CFAP46: variants seen among roughly 807,000 people sequenced by gnomAD.
The protein encoded by CFAP46 is cilia and flagella associated protein 46.
CFAP46 carries 245 observed loss-of-function variants against 325.7 expected under a neutral mutation model. The ratio of observed to expected loss-of-function variants is 0.75; its 90% CI spans 0.68 to 0.84. The LOEUF (loss-of-function observed/expected upper bound fraction) is 0.84, where lower values mean the gene tolerates loss of function less well. CFAP46 is among the 40% of genes least tolerant of loss of function. CFAP46 has a pLI of 0.00. For missense variants in CFAP46, 3,346 were observed against 3,543.0 expected (o/e 0.94, Z 1.41); for synonymous variants, 1,523 against 1,495.9 (o/e 1.02, Z -0.42).
At chr10:132,823,860 T>C (rs533936157) in intron 50 of CFAP46, among the ~76,000 whole-genome samples, 70 of 148,324 alleles carry the variant, frequency 4.7e-4, no homozygotes, top group South Asian at 2.4e-3. Flanking sequence ...TGCTGATGTG[T>C]GCTGTCTGTG....
rs781227785 is a variant in CFAP46 at position 132,846,236 on chromosome 10, G to T, written c.6268-9C>A. ...TCTGAGGCCGAGCAGCTCTGAAAGGGAGCAGGGGAGGTGTACCAGGGGCCC... is the reference window on the plus strand; with the variant it reads ...TCTGAGGCCGAGCAGCTCTGAAAGGTAGCAGGGGAGGTGTACCAGGGGCCC... On this transcript the variant is annotated splice_polypyrimidine_tract_variant and intron_variant, in intron 43 of 57. Transcript: ENST00000368586. 4.3e-6 allele frequency: 7 copies of T among 1,610,404 alleles called. 1 individual carries two copies. The South Asian group carries it at 7.7e-5, about 18-fold the overall frequency.
chr10:132,868,309 C>A (rs1848847870), intron 33 of CFAP46, among the ~76,000 whole-genome samples: 1 of 152,216 alleles, frequency 6.6e-6, no homozygotes, highest in South Asian at 2.1e-4. Context: ...GAACCAGGAC[C>A]CTATGGCCTC....
At chr10:132,834,629 C>G in intron 48 of CFAP46, 25 bp downstream of exon 48, 1 of 1,610,882 alleles carries the variant, frequency 6.2e-7, no homozygotes, top group Non-Finnish European at 8.5e-7. Context: ...TGGTGGGGTG[C>G]CAGCCTCAAC....
intron 47 of CFAP46, 65 bp downstream of exon 47, chr10:132,835,239 C>A: frequency 6.3e-7 from 1 of 1,588,378 alleles, no homozygotes; most frequent in South Asian, 1.1e-5. Flanking sequence ...TCGCCAGGGT[C>A]CTGGCTCCCA....
At chr10:132,920,332 G>C in intron 13 of CFAP46, 150 bp from the exon 14 acceptor site, 1 of 1,031,378 alleles carries the variant, frequency 9.7e-7, no homozygotes, top group Non-Finnish European at 1.4e-6. Context: ...CCCAGAAGCC[G>C]AGCTCCTCAC....
chr10:132,834,791 A>G lies in CFAP46; in HGVS notation c.6745-16T>C. ...CTTCTGGTTCCTACCGCAATCCAAAAAAGAGGCCCCCGTAGCAAACAGGGC... is the reference window on the plus strand; with the variant it reads ...CTTCTGGTTCCTACCGCAATCCAAAGAAGAGGCCCCCGTAGCAAACAGGGC... On this transcript the variant is annotated splice_polypyrimidine_tract_variant and intron_variant, in intron 47 of 57. Coordinates refer to ENST00000368586, the MANE Select transcript of CFAP46 (RefSeq NM_001200049.3). 6.2e-7 allele frequency: 1 copy of G among 1,606,704 alleles called. No homozygotes were observed. The highest frequency in any genetic ancestry group is 8.5e-7 in the Non-Finnish European group (1 of 1,175,828).
intron 47 of CFAP46, 31 bp from the exon 48 acceptor site, chr10:132,834,806 G>A: frequency 6.2e-7 from 1 of 1,602,382 alleles, no homozygotes. Flanking sequence ...GGCCCCCGTA[G>A]CAAACAGGGC....
intron 47 of CFAP46, among the ~76,000 whole-genome samples, chr10:132,835,024 C>T (rs1006912170): frequency 3.9e-5 from 6 of 152,266 alleles, no homozygotes; most frequent in South Asian, 2.1e-4. Flanking sequence ...TGGGGACAGC[C>T]GGGCCCAGGT....
At chr10:132,928,051 C>T (rs1024569666) in intron 9 of CFAP46, among the ~76,000 whole-genome samples, 10 of 152,158 alleles carry the variant, frequency 6.6e-5, no homozygotes, top group African/African-American at 1.2e-4. Flanking sequence ...GGGCCACGGG[C>T]GGTGGGGGCA....
At chr10:132,863,070 G>C (rs192168687) in intron 35 of CFAP46, among the ~76,000 whole-genome samples, 15 of 152,280 alleles carry the variant, frequency 9.9e-5, no homozygotes, top group Admixed American at 7.8e-4. Flanking sequence ...GCGAACCCAC[G>C]TTCGCGGGAG....
intron 13 of CFAP46, 45 bp downstream of exon 13, chr10:132,922,059 C>G: frequency 6.5e-7 from 1 of 1,532,202 alleles, no homozygotes; most frequent in African/African-American, 1.4e-5. Flanking sequence ...GGAGCCATTC[C>G]AAGGTGGACC....
chr10:132,881,116 T>G, intron 27 of CFAP46, 84 bp from the exon 28 acceptor site: 1 of 1,292,186 alleles, frequency 7.7e-7, no homozygotes, highest in Non-Finnish European at 1.1e-6. Flanking sequence ...TATTGCTCAT[T>G]TTCTACAAGA....
chr10:132,940,846 G>A lies in CFAP46; in HGVS notation c.371+150C>T, dbSNP rs867898570. 47 of 735,452 alleles carry A rather than the reference G, an allele frequency of 6.4e-5. No individual in the cohort carries two copies. In the Middle Eastern group the frequency reaches 2.9e-3, roughly 45 times the overall value. 45.6% of individuals were successfully genotyped at this position (735,452 alleles called of 1,614,324 possible). A position where few individuals can be genotyped will look rare whatever the true frequency, so the allele number is the denominator to read the frequency against. On this transcript the variant is annotated intron_variant, in intron 4 of 57. Coordinates refer to ENST00000368586, the MANE Select transcript of CFAP46 (RefSeq NM_001200049.3). ...GAATGTGGCCTGTCCACACGCTGAC[G>A]AGATGAGGGAGTGATCACACGTGCA...
At chr10:132,918,796 AACTCCT>A (rs1849676260) in intron 15 of CFAP46, among the ~76,000 whole-genome samples, 1 of 151,740 alleles carries the variant, frequency 6.6e-6, no homozygotes, top group Admixed American at 6.6e-5. Flanking sequence ...TGGCTCTCCC[AACTCCT>A]CCTGCATCCC....
intron 39 of CFAP46, among the ~76,000 whole-genome samples, chr10:132,853,235 TTTGCTAG>T (rs1848588697): frequency 6.6e-6 from 1 of 152,244 alleles, no homozygotes; most frequent in Non-Finnish European, 1.5e-5. Flanking sequence ...GTATTAATTG[TTTGCTAG>T]GAGTGTTTAC....
At chr10:132,929,113 G>C (rs1849852439) in intron 9 of CFAP46, 2 of 202,942 alleles carry the variant, frequency 9.9e-6, no homozygotes, top group Middle Eastern at 3.9e-3. Flanking sequence ...CTGAAACGTG[G>C]AGTAGTCCGA....
rs556447940 is a variant in CFAP46 at position 132,885,979 on chromosome 10, G to C, written c.3305-20C>G. 441 of 1,548,318 alleles carry C rather than the reference G, an allele frequency of 2.8e-4. 6 individuals are homozygous for C. In the East Asian group the frequency reaches 0.011, roughly 37 times the overall value. The stretch of plus-strand genomic sequence containing the variant: ...CAGCCCCTGGGAGGGAGAAGGAGGG[G>C]TGTCCTTGGAGCCGCCTGATCCCTC... On this transcript the variant is annotated intron_variant, in intron 25 of 57. Coordinates refer to ENST00000368586, the MANE Select transcript of CFAP46 (RefSeq NM_001200049.3).
At position 132,937,570 on chromosome 10, in the gene CFAP46, C is replaced by A. The variant is rs753513049; in HGVS notation, c.642G>T (p.Arg214=). The A allele has an allele frequency of 6.2e-7, 1 of 1,613,576 alleles. No individual in the cohort carries two copies. Among genetic ancestry groups the A allele is most frequent in the Non-Finnish European group, 8.5e-7 (1 of 1,179,990 alleles). ...FIKSHVPQKY[R]QIFSVMVRHE... is the part of the protein sequence containing the mutation. ...GATTTACCATAACAGAGAATATCTG[C>A]CGGTATTTCTGTGGCACGTGAGACT... The change falls in exon 6 of 58, where the codon CGG becomes CGT. Residue 214 remains arginine, a synonymous_variant. Coordinates refer to ENST00000368586, the MANE Select transcript of CFAP46 (RefSeq NM_001200049.3).
chr10:132,909,714 T>C (rs1399401085), intron 20 of CFAP46, among the ~76,000 whole-genome samples: 1 of 152,188 alleles, frequency 6.6e-6, no homozygotes, highest in Non-Finnish European at 1.5e-5. Flanking sequence ...ACAGACCCCG[T>C]GGACGGGTGG....
Sources: gnomAD v4.1 joint callset for allele counts (sites outside exome capture counted in the v4.1 genomes callset) on GRCh38, gnomAD v4.1.1 for gene constraint, MANE v1.5 for transcripts, NCBI Gene and HGNC (gene_info 2026-07-23, HGNC 2026-07-21) for gene names.